Variants in ADCK1 observed in about 807,000 individuals in gnomAD.
ADCK1 encodes aarF domain-containing protein kinase 1.
A neutral mutation model predicts 52.3 loss-of-function variants in ADCK1; 41 were observed. That is an observed-to-expected ratio of 0.78 (90% CI 0.61 to 1.02). The LOEUF (loss-of-function observed/expected upper bound fraction) is 1.02. Among genes scored for constraint, ADCK1 ranks in the 50% least tolerant of loss-of-function variants. The pLI, the probability that ADCK1 is intolerant of heterozygous loss-of-function variation, is 0.00. For missense variants in ADCK1, 658 were observed against 679.5 expected (o/e 0.97, Z 0.35); for synonymous variants, 250 against 274.6 (o/e 0.91, Z 0.89).
chr14:77,829,910 G>A lies in ADCK1; in HGVS notation c.219+7392G>A, dbSNP rs183224681. ...GGGGACAAGGTGATTTTGGCTGAGC[G>A]TGATGGGTGAAATTTTGGGGGTTGT... is the stretch of plus-strand genomic sequence containing the variant. On this transcript the variant is annotated intron_variant, in intron 3 of 10. Transcript: ENST00000238561. 2.6e-5 allele frequency among the ~76,000 whole-genome samples: 4 copies of A among 151,188 alleles called. 1 individual carries two copies. The highest frequency in any genetic ancestry group is 5.9e-5 in the Non-Finnish European group (4 of 67,514).
chr14:77,927,763 G>T (rs901199333), intron 9 of ADCK1, among the ~76,000 whole-genome samples: 15 of 152,208 alleles, frequency 9.9e-5, no homozygotes, highest in Non-Finnish European at 2.1e-4. Context: ...CAAGCCAAGG[G>T]GAAAGAAAGC....
intron 3 of ADCK1, among the ~76,000 whole-genome samples, chr14:77,855,926 G>T (rs1309573696): frequency 6.6e-6 from 1 of 152,150 alleles, no homozygotes; most frequent in Non-Finnish European, 1.5e-5. Context: ...ATACAGGTCA[G>T]GTGTAGTGGC....
At chr14:77,852,684 TATA>T (rs1415851512) in intron 3 of ADCK1, among the ~76,000 whole-genome samples, 1 of 77,880 alleles carries the variant, frequency 1.3e-5, no homozygotes, top group African/African-American at 5.6e-5. Context: ...TATATATATA[TATA>T]TATATATATA....
At chr14:77,862,419 T>G (rs1185059398) in intron 4 of ADCK1, among the ~76,000 whole-genome samples, 4 of 152,170 alleles carry the variant, frequency 2.6e-5, no homozygotes, top group African/African-American at 7.2e-5. Context: ...GGGATGGTTG[T>G]AAAGACCTGG....
chr14:77,924,226 T>C (rs1277257689), intron 7 of ADCK1: 1 of 516,868 alleles, frequency 1.9e-6, no homozygotes, highest in East Asian at 3.4e-5. Flanking sequence ...TAAAAAATAC[T>C]GGTGCCTTGT....
chr14:77,909,492 G>A (rs536890233), intron 7 of ADCK1, among the ~76,000 whole-genome samples: 2 of 152,278 alleles, frequency 1.3e-5, no homozygotes, highest in African/African-American at 2.4e-5. Flanking sequence ...GAAGATGAGC[G>A]TGAGCATGTG....
rs185665310 is a variant in ADCK1 at position 77,863,626 on chromosome 14, C to A, written c.423+4347C>A. 9.2e-4 allele frequency among the ~76,000 whole-genome samples: 140 copies of A among 152,214 alleles called. No homozygotes were observed. The Middle Eastern group carries it at 0.017, about 18-fold the overall frequency. On this transcript the variant is annotated intron_variant, in intron 4 of 10. Transcript: ENST00000238561. Reference sequence around the variant, plus strand: ...CTGAGGTGGGTGGATCACTTGAGGTCAAGAGTTCGAGACCAGCCTGGCCAA... The same window carrying A: ...CTGAGGTGGGTGGATCACTTGAGGTAAAGAGTTCGAGACCAGCCTGGCCAA...
intron 6 of ADCK1, among the ~76,000 whole-genome samples, chr14:77,900,065 C>T (rs1199490634): frequency 5.6e-5 from 6 of 106,882 alleles, no homozygotes; most frequent in East Asian, 2.4e-4. Context: ...AGTGAAACTC[C>T]GTCTCAAAAA....
At chr14:77,917,331 C>T (rs1050125901) in intron 7 of ADCK1, among the ~76,000 whole-genome samples, 5 of 152,076 alleles carry the variant, frequency 3.3e-5, no homozygotes, top group African/African-American at 1.2e-4. Context: ...AATGATTAAC[C>T]TCCTTATAGT....
chr14:77,888,975 A>G (rs1291880797), intron 5 of ADCK1, among the ~76,000 whole-genome samples: 1 of 152,070 alleles, frequency 6.6e-6, no homozygotes, highest in African/African-American at 2.4e-5. Flanking sequence ...GTGGGAGGTA[A>G]TTGATTCATG....
chr14:77,928,085 G>T (rs79529531), intron 9 of ADCK1, among the ~76,000 whole-genome samples: 4,414 of 152,292 alleles, frequency 0.029, 205 homozygotes, highest in African/African-American at 0.1. Flanking sequence ...GAGAGAGGCA[G>T]TGGAGCCAAG....
intron 4 of ADCK1, among the ~76,000 whole-genome samples, chr14:77,861,232 C>T (rs2082538636): frequency 6.6e-6 from 1 of 152,190 alleles, no homozygotes; most frequent in Admixed American, 6.5e-5. Context: ...AGCTGGGGAG[C>T]TTCTTCAGAG....
chr14:77,851,722 T>C (rs370508407), intron 3 of ADCK1, among the ~76,000 whole-genome samples: 3 of 152,276 alleles, frequency 2.0e-5, no homozygotes, highest in South Asian at 2.1e-4. Flanking sequence ...TCAAAGAGTA[T>C]AAGAATCTTA....
chr14:77,828,738 G>A (rs1200348003), intron 3 of ADCK1, among the ~76,000 whole-genome samples: 1 of 152,028 alleles, frequency 6.6e-6, no homozygotes, highest in Non-Finnish European at 1.5e-5. Context: ...TGTTGGTTAG[G>A]CTGGTCACAA....
At chr14:77,908,440 G>A (rs11159308) in intron 7 of ADCK1, 36,014 of 153,820 alleles carry the variant, frequency 0.23, 4,523 homozygotes, top group Middle Eastern at 0.38. Context: ...CCAGTGGGTA[G>A]GACCTGTCCC....
chr14:77,907,752 G>A, intron 6 of ADCK1, 51 bp from the exon 7 acceptor site: 1 of 1,423,568 alleles, frequency 7.0e-7, no homozygotes, highest in Non-Finnish European at 9.7e-7. Flanking sequence ...TGTCATCCTT[G>A]CCCGATTCCC....
At chr14:77,884,535 A>G (rs923028620) in intron 4 of ADCK1, among the ~76,000 whole-genome samples, 1 of 152,152 alleles carries the variant, frequency 6.6e-6, no homozygotes, top group Non-Finnish European at 1.5e-5. Context: ...TATATCCATC[A>G]GAGCCCCTTC....
intron 3 of ADCK1, among the ~76,000 whole-genome samples, chr14:77,856,869 T>C (rs2140132005): frequency 6.6e-6 from 1 of 151,906 alleles, no homozygotes; most frequent in South Asian, 2.1e-4. Flanking sequence ...CCGGGTGTGG[T>C]GGTATGCGCC....
At chr14:77,878,983 C>T (rs1267768364) in intron 4 of ADCK1, among the ~76,000 whole-genome samples, 2 of 152,074 alleles carry the variant, frequency 1.3e-5, no homozygotes, top group Non-Finnish European at 2.9e-5. Context: ...GCCAGCCACA[C>T]TGGGTGTTTA....
Sources: gnomAD v4.1 joint callset for allele counts (sites outside exome capture counted in the v4.1 genomes callset) on GRCh38, gnomAD v4.1.1 for gene constraint, MANE v1.5 for transcripts, NCBI Gene and HGNC (gene_info 2026-07-23, HGNC 2026-07-21) for gene names.